FAM107B: variants seen among roughly 807,000 people sequenced by gnomAD.
FAM107B encodes protein FAM107B.
Under a neutral mutation model 31.5 loss-of-function variants are expected in FAM107B, and 21 were observed. That is an observed-to-expected ratio of 0.67 (90% CI 0.47 to 0.96). FAM107B has a LOEUF of 0.96. Ranked by LOEUF, FAM107B falls within the 40% of genes least tolerant of loss-of-function variation. The pLI is 0.00. For missense variants in FAM107B, 452 were observed against 377.1 expected, an observed-to-expected ratio of 1.20 and a Z score of -1.64; for synonymous variants, 157 against 141.5, an observed-to-expected ratio of 1.11 and a Z score of -0.78.
At chr10:14,526,427 C>T (rs1306423588) in intron 3 of FAM107B, among the ~76,000 whole-genome samples, 3 of 152,194 alleles carry the variant, frequency 2.0e-5, no homozygotes, top group African/African-American at 7.2e-5. Context: ...CTGCCTGCCT[C>T]GGCCTCCCAG....
At chr10:14,723,611 G>T in intron 1 of FAM107B, 2 of 693,822 alleles carry the variant, frequency 2.9e-6, no homozygotes, top group South Asian at 1.5e-5. Context: ...GAATCTGTGT[G>T]ACACAGAGCA....
At chr10:14,751,414 G>C (rs1832825282) in intron 1 of FAM107B, among the ~76,000 whole-genome samples, 1 of 152,190 alleles carries the variant, frequency 6.6e-6, no homozygotes, top group Admixed American at 6.5e-5. Flanking sequence ...CCACCACTGA[G>C]AAGGGGAGTC....
chr10:14,681,579 A>G (rs1428848603), intron 1 of FAM107B, among the ~76,000 whole-genome samples: 1 of 152,142 alleles, frequency 6.6e-6, no homozygotes, highest in Non-Finnish European at 1.5e-5. Context: ...TCACATGCTC[A>G]TGACCGTCAC....
intron 2 of FAM107B, among the ~76,000 whole-genome samples, chr10:14,572,667 C>T (rs1851304733): frequency 6.8e-6 from 1 of 146,620 alleles, no homozygotes. Context: ...ACTATGATCA[C>T]ATCTGTGAAG....
chr10:14,630,326 A>G (rs184561729), intron 2 of FAM107B, among the ~76,000 whole-genome samples: 35 of 151,810 alleles, frequency 2.3e-4, no homozygotes, highest in Non-Finnish European at 4.0e-4. Flanking sequence ...AAAATGGCTG[A>G]ATTGCAAGAT....
intron 1 of FAM107B, among the ~76,000 whole-genome samples, chr10:14,687,838 C>G (rs946993321): frequency 6.6e-6 from 1 of 152,204 alleles, no homozygotes; most frequent in East Asian, 1.9e-4. Flanking sequence ...TGCACAACCA[C>G]ACACACATAC....
At chr10:14,721,350 G>A (rs1336364531) in intron 1 of FAM107B, among the ~76,000 whole-genome samples, 1 of 152,000 alleles carries the variant, frequency 6.6e-6, no homozygotes, top group Non-Finnish European at 1.5e-5. Flanking sequence ...TAATCCTTTG[G>A]GTATATACCC....
Position 14,711,800 on chromosome 10 carries a change from C to T in FAM107B, c.412-44109G>A, listed in dbSNP as rs149658669. On this transcript the variant is annotated intron_variant, in intron 1 of 4. Transcript: ENST00000181796. ...CTGGTATCACAGGCACCTGCCACTA[C>T]ACCCAGCTAATGTTTGTATTTTTAG... Among the ~76,000 whole-genome samples, 535 of 152,328 alleles carry T rather than the reference C, an allele frequency of 3.5e-3. 17 individuals carry two copies. In the East Asian group the frequency reaches 0.066, roughly 19 times the overall value.
intron 2 of FAM107B, chr10:14,602,676 T>G (rs1014510126): frequency 6.6e-6 from 1 of 152,226 alleles, no homozygotes; most frequent in African/African-American, 2.4e-5. Context: ...TTTAAAATAT[T>G]TTTAAAGCTT....
intron 1 of FAM107B, among the ~76,000 whole-genome samples, chr10:14,686,642 C>T (rs958055649): frequency 6.6e-6 from 1 of 152,178 alleles, no homozygotes; most frequent in Non-Finnish European, 1.5e-5. Context: ...TTTTCTAGTC[C>T]GTGCTGAAGT....
intron 2 of FAM107B, among the ~76,000 whole-genome samples, chr10:14,531,350 A>G (rs1298060190): frequency 1.3e-5 from 2 of 151,128 alleles, no homozygotes; most frequent in African/African-American, 4.9e-5. Flanking sequence ...AAGACCCCAT[A>G]TGTTTAAAAA....
intron 1 of FAM107B, among the ~76,000 whole-genome samples, chr10:14,747,270 C>T (rs1270084605): frequency 1.3e-5 from 2 of 152,180 alleles, no homozygotes; most frequent in African/African-American, 2.4e-5. Context: ...TTCATTATTA[C>T]TCGCCTTCTG....
At chr10:14,697,178 C>T (rs963669584) in intron 1 of FAM107B, among the ~76,000 whole-genome samples, 12 of 152,176 alleles carry the variant, frequency 7.9e-5, no homozygotes, top group African/African-American at 2.7e-4. Context: ...GTAAAAATCT[C>T]AGCCCCTTAA....
At chr10:14,742,547 G>T (rs1294442652) in intron 1 of FAM107B, among the ~76,000 whole-genome samples, 1 of 152,142 alleles carries the variant, frequency 6.6e-6, no homozygotes, top group African/African-American at 2.4e-5. Flanking sequence ...CTGGGGTAGG[G>T]TAGCTACTCA....
At position 14,521,190 on chromosome 10, in the gene FAM107B, C is replaced by T; in HGVS notation, c.921G>A (p.Ter307=). The T allele has an allele frequency of 6.2e-7, 1 of 1,613,820 alleles. No homozygotes were observed. The change falls in exon 5 of 5, where the codon TAG becomes TAA. Residue 307 remains the stop codon, a stop_retained_variant. Transcript: ENST00000181796. ...CACGAGGTCTTGGTGCAGCCTCAGCCTAGGACTCCTGGGCTTGGGCGACTT... is the reference window on the plus strand; with the variant it reads ...CACGAGGTCTTGGTGCAGCCTCAGCTTAGGACTCCTGGGCTTGGGCGACTT... The part of the protein sequence containing the change: ...GQEVAQAQES[*]
intron 1 of FAM107B, among the ~76,000 whole-genome samples, chr10:14,698,124 CA>C (rs112261656): frequency 1.6e-3 from 214 of 137,702 alleles, no homozygotes; most frequent in African/African-American, 2.3e-3. Context: ...GACTCCATCT[CA>C]AAAAAAAAAA....
At chr10:14,765,236 C>T (rs796414097) in intron 1 of FAM107B, among the ~76,000 whole-genome samples, 3 of 152,334 alleles carry the variant, frequency 2.0e-5, no homozygotes, top group African/African-American at 7.2e-5. Context: ...ATTCCCTCAT[C>T]TTTTATGTCT....
chr10:14,774,521 G>T lies in FAM107B; in HGVS notation c.143C>A (p.Thr48Asn). 6.2e-7 allele frequency: 1 copy of T among 1,614,196 alleles called. No individual in the cohort carries two copies. The highest frequency in any genetic ancestry group is 8.5e-7 in the Non-Finnish European group (1 of 1,180,026). Residue 48 changes from threonine to asparagine, a missense_variant, in exon 1 of 5, where the codon ACT becomes AAT. Transcript: ENST00000181796. ...ASFNQSGVAD[T>N]HSTVRVQPVA... is the part of the protein sequence containing the mutation. ...AGGCTGCACACGGACGGTGGAATGAGTATCAGCCACGCCGGACTGATTGAA... is the reference window on the plus strand; with the variant it reads ...AGGCTGCACACGGACGGTGGAATGATTATCAGCCACGCCGGACTGATTGAA...
Position 14,631,056 on chromosome 10 carries a change from A to G in FAM107B, c.469+36578T>C, listed in dbSNP as rs144750950. On this transcript the variant is annotated intron_variant, in intron 2 of 4. Coordinates refer to ENST00000181796, the MANE Select transcript of FAM107B (RefSeq NM_031453.4). ...AAAAGCAAACAGGCATGAATTTGTC[A>G]TCTAAACCCTGCCTCTCTTTCTATT... is the stretch of plus-strand genomic sequence containing the variant. Among the ~76,000 whole-genome samples the G allele has an allele frequency of 7.3e-3, 1,113 of 152,320 alleles. 14 individuals are homozygous for G. Among genetic ancestry groups the G allele is most frequent in the African/African-American group, 0.026 (1,063 of 41,566 alleles).
Sources: allele counts gnomAD v4.1 joint callset (sites outside exome capture counted in the v4.1 genomes callset), GRCh38; gene constraint gnomAD v4.1.1; transcripts MANE v1.5; gene names NCBI Gene and HGNC (gene_info 2026-07-23, HGNC 2026-07-21).